UBR1: variants seen among roughly 807,000 people sequenced by gnomAD.
UBR1 encodes the protein E3 ubiquitin-protein ligase UBR1.
In UBR1, 102 loss-of-function variants were observed where a neutral mutation model predicts 242.1. The observed-to-expected ratio is 0.42, with a 90% CI of 0.36 to 0.50. UBR1 has a LOEUF of 0.50. UBR1 is among the 20% of genes least tolerant of loss of function. UBR1 has a pLI of 0.01. For synonymous variants in UBR1, 675 were observed against 684.8 expected (o/e 0.99, Z 0.22); for missense variants, 1,772 against 2,101.8 (o/e 0.84, Z 3.07).
chr15:42,991,267 C>T (rs1427601832), intron 33 of UBR1, among the ~76,000 whole-genome samples: 3 of 150,666 alleles, frequency 2.0e-5, no homozygotes, highest in African/African-American at 7.4e-5. Flanking sequence ...CAAAGCGACA[C>T]GCCATCTCAA....
chr15:43,081,903 T>A (rs1031483572), intron 3 of UBR1, among the ~76,000 whole-genome samples: 4 of 151,956 alleles, frequency 2.6e-5, no homozygotes, highest in African/African-American at 7.2e-5. Context: ...TTTATCATTT[T>A]AAAAAAACTG....
chr15:43,007,834 T>C (rs1353057118), intron 29 of UBR1, among the ~76,000 whole-genome samples: 1 of 152,210 alleles, frequency 6.6e-6, no homozygotes, highest in Non-Finnish European at 1.5e-5. Context: ...TGCACAGCTC[T>C]TACTGTATGT....
At chr15:43,092,114 AT>A in intron 1 of UBR1, 1 of 412,712 alleles carries the variant, frequency 2.4e-6, no homozygotes, top group Non-Finnish European at 4.9e-6. Context: ...CTCTTGGCTG[AT>A]TTAGGCAGAA....
chr15:43,022,502 A>T (rs1322323156), intron 26 of UBR1, among the ~76,000 whole-genome samples, 200 bp downstream of exon 26: 3 of 152,108 alleles, frequency 2.0e-5, no homozygotes, highest in Non-Finnish European at 4.4e-5. Flanking sequence ...GTAAGGGATT[A>T]AAAAATATAT....
At chr15:42,948,048 C>T (rs2031766837) in intron 46 of UBR1, among the ~76,000 whole-genome samples, 1 of 152,184 alleles carries the variant, frequency 6.6e-6, no homozygotes, top group Admixed American at 6.5e-5. Context: ...TACAAGGCTA[C>T]AGTAACCAAA....
At chr15:43,009,303 G>C (rs1015962431) in intron 29 of UBR1, among the ~76,000 whole-genome samples, 4 of 152,258 alleles carry the variant, frequency 2.6e-5, no homozygotes, top group Non-Finnish European at 5.9e-5. Context: ...TGGTGCATAT[G>C]ATCCAGCTGC....
In UBR1 at chr15:42,952,417, GC is replaced by G. The variant is rs2031849580; in HGVS notation, c.4866del (p.Lys1622AsnfsTer24). The G allele has an allele frequency of 6.2e-7, 1 of 1,614,130 alleles. No individual in the cohort carries two copies. Among genetic ancestry groups the G allele is most frequent in the Non-Finnish European group, 8.5e-7 (1 of 1,180,046 alleles). ...CCACAGAAAAGGCAGAGGACAGGAT[GC>G]TTTCGCTCATCATCTGCAGACCGTG... ...RCPRSADDER[K>X]HPVLCLFCGA... is the part of the protein sequence containing the mutation. On this transcript the variant is annotated frameshift_variant, in exon 45 of 47. Transcript: ENST00000290650. LOFTEE classifies it high-confidence loss of function.
intron 46 of UBR1, among the ~76,000 whole-genome samples, chr15:42,945,691 A>T (rs959783782): frequency 3.9e-5 from 6 of 152,216 alleles, no homozygotes; most frequent in African/African-American, 1.4e-4. Flanking sequence ...CATTCATAAA[A>T]TAGGTCAGGT....
chr15:43,075,260 AAACC>A (rs996565942), intron 3 of UBR1, among the ~76,000 whole-genome samples, 171 bp from the exon 4 acceptor site: 4 of 152,234 alleles, frequency 2.6e-5, no homozygotes, highest in Non-Finnish European at 4.4e-5. Context: ...CCTAAAAAAC[AAACC>A]AACAAACCAA....
intron 46 of UBR1, among the ~76,000 whole-genome samples, chr15:42,946,777 G>A (rs1237315079): frequency 6.6e-6 from 1 of 152,072 alleles, no homozygotes; most frequent in Non-Finnish European, 1.5e-5. Context: ...CTACCACCAG[G>A]GAAGGATACA....
chr15:43,052,369 A>C (rs2141331009), intron 12 of UBR1, among the ~76,000 whole-genome samples: 1 of 152,346 alleles, frequency 6.6e-6, no homozygotes, highest in East Asian at 1.9e-4. Context: ...GAGAACTAGA[A>C]CCAGAAAATA....
At chr15:43,002,478 C>G in intron 32 of UBR1, 77 bp downstream of exon 32, 2 of 1,522,798 alleles carry the variant, frequency 1.3e-6, no homozygotes, top group South Asian at 2.3e-5. Context: ...ATCTCAGTCT[C>G]CCAAAGTGCT....
chr15:42,981,271 T>C (rs2032373760), intron 37 of UBR1, among the ~76,000 whole-genome samples: 1 of 152,192 alleles, frequency 6.6e-6, no homozygotes, highest in African/African-American at 2.4e-5. Flanking sequence ...CTTTTCTAAC[T>C]ATAGATGCCA....
At position 42,990,011 on chromosome 15, in the gene UBR1, T is replaced by G; in HGVS notation, c.3848+19A>C. ...TTCACAATCATTTACAAAGTTCTCT[T>G]AACTATTTAGATACTTACGAAGACT... On this transcript the variant is annotated intron_variant, in intron 34 of 46. Transcript: ENST00000290650. 1 of 1,572,804 alleles carries G rather than the reference T, an allele frequency of 6.4e-7. No individual in the cohort carries two copies. The highest frequency in any genetic ancestry group is 8.7e-7 in the Non-Finnish European group (1 of 1,146,420).
intron 20 of UBR1, among the ~76,000 whole-genome samples, chr15:43,031,290 A>T (rs1175841447): frequency 2.6e-5 from 4 of 152,196 alleles, no homozygotes; most frequent in Admixed American, 2.0e-4. Flanking sequence ...GGGCAAACAC[A>T]ATAATAGTAA....
At chr15:42,993,568 A>G (rs1031553422) in intron 33 of UBR1, among the ~76,000 whole-genome samples, 4 of 152,008 alleles carry the variant, frequency 2.6e-5, no homozygotes, top group Non-Finnish European at 5.9e-5. Context: ...GGGTTTCACC[A>G]TGTTGGCCGG....
chr15:42,978,585 T>C (rs369629623), intron 37 of UBR1, among the ~76,000 whole-genome samples: 4 of 152,216 alleles, frequency 2.6e-5, no homozygotes, highest in Middle Eastern at 3.2e-3. Flanking sequence ...GTTTTGTTTA[T>C]ATAAAAATGA....
At chr15:43,005,507 G>T (rs1410961101) in intron 30 of UBR1, among the ~76,000 whole-genome samples, 1 of 152,086 alleles carries the variant, frequency 6.6e-6, no homozygotes, top group Non-Finnish European at 1.5e-5. Context: ...CTCCGTCTGG[G>T]AGGTGGGGGG....
chr15:42,995,895 G>C (rs2032630686), intron 33 of UBR1, among the ~76,000 whole-genome samples: 1 of 152,158 alleles, frequency 6.6e-6, no homozygotes, highest in Non-Finnish European at 1.5e-5. Flanking sequence ...CCATCATTCT[G>C]TGTTTCTACA....
Sources: gnomAD v4.1 joint callset for allele counts (sites outside exome capture counted in the v4.1 genomes callset) on GRCh38, gnomAD v4.1.1 for gene constraint, MANE v1.5 for transcripts, NCBI Gene and HGNC (gene_info 2026-07-23, HGNC 2026-07-21) for gene names.